Variants in OSBPL1A observed in about 807,000 individuals in gnomAD.
The protein encoded by OSBPL1A is oxysterol-binding protein-related protein 1.
Under a neutral mutation model 137.1 loss-of-function variants are expected in OSBPL1A, and 80 were observed. The ratio of observed to expected loss-of-function variants is 0.58; its 90% CI spans 0.49 to 0.70. The LOEUF is 0.70. Ranked by LOEUF, OSBPL1A falls within the 30% of genes least tolerant of loss-of-function variation. The pLI, the probability that OSBPL1A is intolerant of heterozygous loss-of-function variation, is 0.00. For missense variants in OSBPL1A, 970 were observed against 1,129.4 expected (o/e 0.86, Z 2.02); for synonymous variants, 365 against 389.7 (o/e 0.94, Z 0.75).
At chr18:24,240,523 T>G (rs1313206043) in intron 15 of OSBPL1A, among the ~76,000 whole-genome samples, 1 of 152,150 alleles carries the variant, frequency 6.6e-6, no homozygotes, top group East Asian at 1.9e-4. Flanking sequence ...GCCTTAATCT[T>G]GCTGGATTTC....
chr18:24,280,341 C>T (rs1317496271), intron 15 of OSBPL1A, among the ~76,000 whole-genome samples: 1 of 152,186 alleles, frequency 6.6e-6, no homozygotes, highest in South Asian at 2.1e-4. Context: ...CTCAGCCTCC[C>T]AAAATGCTGG....
chr18:24,173,200 G>A (rs147220927), intron 21 of OSBPL1A, among the ~76,000 whole-genome samples: 3 of 152,238 alleles, frequency 2.0e-5, no homozygotes, highest in African/African-American at 7.2e-5. Context: ...TGAATGATGT[G>A]AACTCATGAA....
chr18:24,291,043 C>A (rs1257526498), intron 14 of OSBPL1A, among the ~76,000 whole-genome samples: 1 of 152,106 alleles, frequency 6.6e-6, no homozygotes, highest in East Asian at 1.9e-4. Flanking sequence ...TATATGGACA[C>A]CTCCAAACCC....
chr18:24,355,907 C>T (rs145205115), intron 4 of OSBPL1A, among the ~76,000 whole-genome samples: 98 of 150,278 alleles, frequency 6.5e-4, no homozygotes, highest in African/African-American at 2.1e-3. Flanking sequence ...ATTGCTTGAA[C>T]GCGGGACACA....
At chr18:24,356,530 G>A (rs1315367524) in intron 4 of OSBPL1A, among the ~76,000 whole-genome samples, 1 of 152,116 alleles carries the variant, frequency 6.6e-6, no homozygotes, top group African/African-American at 2.4e-5. Flanking sequence ...CTGAGGTCTG[G>A]CTCACGGTGC....
At chr18:24,176,169 A>T (rs112578082) in intron 21 of OSBPL1A, among the ~76,000 whole-genome samples, 3 of 152,336 alleles carry the variant, frequency 2.0e-5, no homozygotes, top group African/African-American at 7.2e-5. Context: ...GTAAGTTAGA[A>T]TCAACTTCTC....
At position 24,356,647 on chromosome 18, in the gene OSBPL1A, T is replaced by A. The variant is rs540797690; in HGVS notation, c.282+10245A>T. Among the ~76,000 whole-genome samples the A allele has an allele frequency of 5.9e-5, 9 of 152,308 alleles. No homozygotes were observed. The South Asian group carries it at 1.9e-3, about 32-fold the overall frequency. ...TGTTGGTACAACCCTCACATTGCCA[T>A]CTTGGTCTATTGTATAGGAGCCAAA... On this transcript the variant is annotated intron_variant, in intron 4 of 27. Coordinates refer to ENST00000319481, the MANE Select transcript of OSBPL1A (RefSeq NM_080597.4).
At chr18:24,395,472 C>T (rs898580615) in intron 1 of OSBPL1A, among the ~76,000 whole-genome samples, 1 of 152,054 alleles carries the variant, frequency 6.6e-6, no homozygotes, top group African/African-American at 2.4e-5. Flanking sequence ...AATAAAGCCA[C>T]AAGGAGAAAA....
chr18:24,273,560 T>A (rs1003869303), intron 15 of OSBPL1A, among the ~76,000 whole-genome samples: 1 of 152,152 alleles, frequency 6.6e-6, no homozygotes, highest in Non-Finnish European at 1.5e-5. Context: ...GGTAGCAGAG[T>A]TTAGATCCAG....
chr18:24,167,674 C>T (rs2086177583), intron 24 of OSBPL1A, among the ~76,000 whole-genome samples: 1 of 152,074 alleles, frequency 6.6e-6, no homozygotes, highest in Non-Finnish European at 1.5e-5. Context: ...TTTTGGCTTT[C>T]CACATGAAAA....
intron 17 of OSBPL1A, among the ~76,000 whole-genome samples, chr18:24,220,978 G>A (rs1419936592): frequency 6.6e-6 from 1 of 151,876 alleles, no homozygotes; most frequent in South Asian, 2.1e-4. Context: ...ACGGGGTTTC[G>A]CCACATTGGC....
chr18:24,300,873 A>G (rs2090387245), intron 14 of OSBPL1A, among the ~76,000 whole-genome samples: 2 of 152,146 alleles, frequency 1.3e-5, no homozygotes, highest in African/African-American at 4.8e-5. Flanking sequence ...GCTGCAGTGC[A>G]ATCACATGAC....
chr18:24,328,227 T>TC (rs1357840667), intron 7 of OSBPL1A, among the ~76,000 whole-genome samples: 1 of 112,450 alleles, frequency 8.9e-6, no homozygotes, highest in African/African-American at 2.9e-5. Context: ...TATTTTTTTT[T>TC]TTTTTTTTTT....
At chr18:24,325,385 G>A (rs2090955828) in intron 7 of OSBPL1A, among the ~76,000 whole-genome samples, 2 of 152,176 alleles carry the variant, frequency 1.3e-5, no homozygotes, top group South Asian at 4.1e-4. Flanking sequence ...GGGCACACTG[G>A]CAGTTTTCCT....
chr18:24,225,861 A>C (rs1052451411), intron 16 of OSBPL1A, among the ~76,000 whole-genome samples: 2 of 152,110 alleles, frequency 1.3e-5, no homozygotes, highest in Non-Finnish European at 2.9e-5. Flanking sequence ...AGTCCCAGCT[A>C]CTGGGGAGGC....
intron 14 of OSBPL1A, among the ~76,000 whole-genome samples, chr18:24,282,618 A>G (rs2089981985): frequency 6.6e-6 from 1 of 152,260 alleles, no homozygotes; most frequent in African/African-American, 2.4e-5. Flanking sequence ...TCACTTAAAA[A>G]CAAGTAAAAT....
intron 14 of OSBPL1A, among the ~76,000 whole-genome samples, chr18:24,303,117 C>A (rs1257326902): frequency 6.6e-6 from 1 of 152,120 alleles, no homozygotes; most frequent in Non-Finnish European, 1.5e-5. Context: ...TCTCCTGCCT[C>A]AGCCTCCCGA....
intron 7 of OSBPL1A, among the ~76,000 whole-genome samples, chr18:24,330,539 C>A (rs2091058301): frequency 6.7e-6 from 1 of 149,714 alleles, no homozygotes; most frequent in Non-Finnish European, 1.5e-5. Flanking sequence ...GGCTGGAGTG[C>A]AGTGGCACAA....
intron 17 of OSBPL1A, among the ~76,000 whole-genome samples, chr18:24,215,017 A>G (rs1010733399): frequency 2.0e-4 from 31 of 152,204 alleles, no homozygotes; most frequent in Non-Finnish European, 2.6e-4. Flanking sequence ...GCTTACCATC[A>G]GAGGGATAGA....
Sources: gnomAD v4.1 joint callset for allele counts (sites outside exome capture counted in the v4.1 genomes callset) on GRCh38, gnomAD v4.1.1 for gene constraint, MANE v1.5 for transcripts, NCBI Gene and HGNC (gene_info 2026-07-23, HGNC 2026-07-21) for gene names.